Variants in KCNJ3 observed in about 807,000 individuals in gnomAD.
KCNJ3 encodes the protein G protein-activated inward rectifier potassium channel 1.
KCNJ3 carries 4 observed loss-of-function variants against 39.2 expected under a neutral mutation model. That is an observed-to-expected ratio of 0.10 (90% CI 0.05 to 0.23). KCNJ3 has a LOEUF of 0.23. KCNJ3 is among the 10% of genes least tolerant of loss of function. The pLI is 1.00. For synonymous variants in KCNJ3, 230 were observed against 237.4 expected, an observed-to-expected ratio of 0.97 and a Z score of 0.29; for missense variants, 276 against 634.9, an observed-to-expected ratio of 0.43 and a Z score of 6.08.
chr2:154,855,016 G>A lies in KCNJ3; in HGVS notation c.1209G>A (p.Leu403=), dbSNP rs750557023. The A allele has an allele frequency of 8.7e-6, 14 of 1,614,076 alleles. No individual in the cohort carries two copies. Among genetic ancestry groups the A allele is most frequent in the South Asian group, 7.7e-5 (7 of 91,082 alleles). ...TTACTACAAAACTACCATCTAAGCT[G>A]CAGAAAATTACTGGAAGAGAAGACT... ...DDITTKLPSK[L]QKITGREDFP... Residue 403 remains leucine (L), a synonymous_variant, in exon 3 of 3, where the codon CTG becomes CTA. Coordinates refer to ENST00000295101, the MANE Select transcript of KCNJ3 (RefSeq NM_002239.4).
intron 2 of KCNJ3, among the ~76,000 whole-genome samples, chr2:154,711,647 G>A (rs184932364): frequency 2.0e-3 from 297 of 151,982 alleles, no homozygotes; most frequent in Non-Finnish European, 3.5e-3. Context: ...AAATTAGGCC[G>A]GGTATTTTGT....
chr2:154,806,478 A>G (rs2105097599), intron 2 of KCNJ3, among the ~76,000 whole-genome samples: 1 of 152,290 alleles, frequency 6.6e-6, no homozygotes, highest in African/African-American at 2.4e-5. Context: ...ACACAGTTAC[A>G]TGGTTGTCAT....
At chr2:154,703,395 CA>C (rs1298935362) in intron 1 of KCNJ3, among the ~76,000 whole-genome samples, 4 of 151,894 alleles carry the variant, frequency 2.6e-5, no homozygotes, top group Admixed American at 1.3e-4. Flanking sequence ...TTTCACTTGT[CA>C]AAAGGTAATA....
chr2:154,820,915 T>TG (rs1687160895), intron 2 of KCNJ3, among the ~76,000 whole-genome samples: 2 of 152,216 alleles, frequency 1.3e-5, no homozygotes, highest in Non-Finnish European at 2.9e-5. Flanking sequence ...AGTAAAGGGT[T>TG]GGTGCTCTAG....
rs70983745 is a variant in KCNJ3, at chr2:154,736,374, TAAAAAAAAAAA to T, written c.919+26585_919+26595del. Among the ~76,000 whole-genome samples the T allele has an allele frequency of 4.6e-4, 43 of 93,226 alleles. No individual in the cohort carries two copies. In the South Asian group the frequency reaches 8.6e-3, roughly 19 times the overall value. The allele number at this position is 93,226 out of a possible 152,430, so 61.2% of individuals were successfully genotyped here. A position where few individuals can be genotyped will look rare whatever the true frequency, so the allele number is the denominator to read the frequency against. ...AGAGAGTGACAGGAGTCACTAGTTC[TAAAAAAAAAAA>T]AAAAAAAAAAAAAAAAAAAAAAAAA... On this transcript the variant is annotated intron_variant, in intron 2 of 2. Coordinates refer to ENST00000295101, the MANE Select transcript of KCNJ3 (RefSeq NM_002239.4).
chr2:154,841,598 T>G (rs2105130123), intron 2 of KCNJ3, among the ~76,000 whole-genome samples: 1 of 152,294 alleles, frequency 6.6e-6, no homozygotes, highest in African/African-American at 2.4e-5. Flanking sequence ...AATTATTGCC[T>G]CAATTTCAGA....
intron 2 of KCNJ3, among the ~76,000 whole-genome samples, chr2:154,759,207 A>G (rs1685993091): frequency 6.6e-6 from 1 of 152,156 alleles, no homozygotes. Flanking sequence ...CAGTGCAACA[A>G]CTGCTAGTGC....
At chr2:154,709,297 A>G in intron 1 of KCNJ3, 1 of 400,158 alleles carries the variant, frequency 2.5e-6, no homozygotes, top group Admixed American at 4.3e-5. Flanking sequence ...GCAGCAGCAC[A>G]TGCACACTCA....
intron 2 of KCNJ3, among the ~76,000 whole-genome samples, chr2:154,787,984 T>C (rs932528824): frequency 6.6e-6 from 1 of 152,158 alleles, no homozygotes; most frequent in African/African-American, 2.4e-5. Flanking sequence ...CAGAAGAGTG[T>C]TTAGAAAGAC....
chr2:154,734,154 C>A (rs1685486253), intron 2 of KCNJ3, among the ~76,000 whole-genome samples: 1 of 152,158 alleles, frequency 6.6e-6, no homozygotes, highest in African/African-American at 2.4e-5. Context: ...ATTTGCATCC[C>A]ACTTTCATGA....
At chr2:154,704,396 G>T (rs1464006701) in intron 1 of KCNJ3, among the ~76,000 whole-genome samples, 1 of 152,032 alleles carries the variant, frequency 6.6e-6, no homozygotes, top group East Asian at 1.9e-4. Context: ...TGCCACAAAG[G>T]CCCTCAAGGA....
chr2:154,799,402 G>T (rs1259669433), intron 2 of KCNJ3, among the ~76,000 whole-genome samples: 2 of 152,168 alleles, frequency 1.3e-5, no homozygotes, highest in Non-Finnish European at 2.9e-5. Context: ...GGGATTACAG[G>T]CATGAGCCAC....
At chr2:154,700,915 T>C (rs1162437438) in intron 1 of KCNJ3, among the ~76,000 whole-genome samples, 1 of 152,154 alleles carries the variant, frequency 6.6e-6, no homozygotes, top group African/African-American at 2.4e-5. Context: ...AGTGGAAAAT[T>C]ATCAACCTGG....
intron 2 of KCNJ3, among the ~76,000 whole-genome samples, chr2:154,832,953 T>G (rs1279930201): frequency 6.6e-6 from 1 of 152,172 alleles, no homozygotes; most frequent in Non-Finnish European, 1.5e-5. Context: ...GTGAGCAGGG[T>G]ATTTAGAATA....
chr2:154,737,737 T>C (rs956823588), intron 2 of KCNJ3, among the ~76,000 whole-genome samples: 4 of 152,146 alleles, frequency 2.6e-5, no homozygotes, highest in African/African-American at 4.8e-5. Flanking sequence ...TTTGAAGACA[T>C]GGTAATGGAG....
chr2:154,751,823 A>G (rs572024148), intron 2 of KCNJ3, among the ~76,000 whole-genome samples: 76 of 152,070 alleles, frequency 5.0e-4, no homozygotes, highest in African/African-American at 1.8e-3. Context: ...CTCTTCTCCA[A>G]GTGTCTTCAC....
At chr2:154,771,661 A>G (rs1348039541) in intron 2 of KCNJ3, among the ~76,000 whole-genome samples, 1 of 152,188 alleles carries the variant, frequency 6.6e-6, no homozygotes, top group East Asian at 1.9e-4. Context: ...GTTCCATTAC[A>G]GTTGGTATTG....
chr2:154,741,213 G>C (rs144000116), intron 2 of KCNJ3, among the ~76,000 whole-genome samples: 1 of 151,984 alleles, frequency 6.6e-6, no homozygotes, highest in African/African-American at 2.4e-5. Flanking sequence ...GAAAGATTAA[G>C]TAACTTATTC....
chr2:154,765,433 A>C (rs974777948), intron 2 of KCNJ3, among the ~76,000 whole-genome samples: 3 of 152,170 alleles, frequency 2.0e-5, no homozygotes, highest in Non-Finnish European at 4.4e-5. Flanking sequence ...TCTTGCTAGA[A>C]TGTAAAGCCC....
Sources: gnomAD v4.1 joint callset for allele counts (sites outside exome capture counted in the v4.1 genomes callset) on GRCh38, gnomAD v4.1.1 for gene constraint, MANE v1.5 for transcripts, NCBI Gene and HGNC (gene_info 2026-07-23, HGNC 2026-07-21) for gene names.